The following RASGEF1C variants were observed in gnomAD, a reference collection of about 807,000 sequenced individuals.
The protein encoded by RASGEF1C is ras-GEF domain-containing family member 1C.
A neutral mutation model predicts 58.1 loss-of-function variants in RASGEF1C; 27 were observed. That is an observed-to-expected ratio of 0.46 (90% CI 0.34 to 0.64). The LOEUF is 0.64. RASGEF1C is among the 30% of genes least tolerant of loss of function. RASGEF1C has a pLI of 0.01. For synonymous variants in RASGEF1C, 243 were observed against 246.3 expected, an observed-to-expected ratio of 0.99 and a Z score of 0.13; for missense variants, 502 against 605.1, an observed-to-expected ratio of 0.83 and a Z score of 1.79.
In RASGEF1C at chr5:180,156,403, A is replaced by G. The variant is rs957843819; in HGVS notation, c.-6-18345T>C. Among the ~76,000 whole-genome samples, 2 of 152,202 alleles carry G rather than the reference A, an allele frequency of 1.3e-5. No homozygotes were observed. The highest frequency in any genetic ancestry group is 1.3e-4 in the Admixed American group (2 of 15,260). On this transcript the variant is annotated intron_variant, in intron 1 of 13. Transcript: ENST00000361132. The surrounding 1 kb of genome is among the most constrained non-coding windows in gnomAD (Gnocchi z 4.9). ...GGGAGTCTTCGGAAACACTGGGCTC[A>G]GCACAGTTGGTGCCTGGCAGGGCCG...
intron 1 of RASGEF1C, among the ~76,000 whole-genome samples, chr5:180,170,168 G>C (rs1379676938): frequency 6.6e-6 from 1 of 152,220 alleles, no homozygotes; most frequent in Admixed American, 6.5e-5. Context: ...TCCTGGCCGA[G>C]TGGATGAGTG....
intron 4 of RASGEF1C, among the ~76,000 whole-genome samples, chr5:180,133,365 C>T (rs1766402716): frequency 6.6e-6 from 1 of 152,182 alleles, no homozygotes; most frequent in Non-Finnish European, 1.5e-5. Flanking sequence ...GAAGGTGCCA[C>T]CTTTCACTGT....
At chr5:180,115,272 C>G (rs543781990) in intron 10 of RASGEF1C, 1 of 437,484 alleles carries the variant, frequency 2.3e-6, no homozygotes, top group South Asian at 1.6e-5. Flanking sequence ...CCTCGGCCTC[C>G]CAAGGTGGCC....
At chr5:180,110,855 A>C (rs1273927432) in intron 12 of RASGEF1C, among the ~76,000 whole-genome samples, 1 of 151,574 alleles carries the variant, frequency 6.6e-6, no homozygotes, top group Non-Finnish European at 1.5e-5. Context: ...TTGCTCTGTC[A>C]CCCAGGATGG....
chr5:180,141,718 A>AG (rs1766582644), intron 1 of RASGEF1C, among the ~76,000 whole-genome samples: 1 of 15,596 alleles, frequency 6.4e-5, no homozygotes. Flanking sequence ...ATTTTATCAC[A>AG]CTTTTTTTTT....
intron 1 of RASGEF1C, among the ~76,000 whole-genome samples, chr5:180,141,657 A>G (rs1766581095): frequency 6.6e-6 from 1 of 152,150 alleles, no homozygotes. Flanking sequence ...ACTTAATGTC[A>G]CTGAACTGTC....
intron 12 of RASGEF1C, among the ~76,000 whole-genome samples, chr5:180,103,203 G>A (rs1008254810): frequency 3.3e-5 from 5 of 152,098 alleles, no homozygotes; most frequent in East Asian, 1.9e-4. Flanking sequence ...TCACCCTCCC[G>A]AGTGGCTGGG....
chr5:180,176,425 A>G (rs1028544329), intron 1 of RASGEF1C, among the ~76,000 whole-genome samples: 4 of 152,220 alleles, frequency 2.6e-5, no homozygotes, highest in Non-Finnish European at 5.9e-5. Flanking sequence ...TGGGCTCTGC[A>G]TGAGGCAGGC....
intron 1 of RASGEF1C, among the ~76,000 whole-genome samples, chr5:180,159,992 G>T (rs577417677): frequency 3.9e-5 from 6 of 152,304 alleles, no homozygotes; most frequent in Admixed American, 1.3e-4. Flanking sequence ...AGCTGCACTC[G>T]AAGTTAGCCC....
chr5:180,103,145 T>C (rs895551157), intron 12 of RASGEF1C, among the ~76,000 whole-genome samples: 14 of 152,218 alleles, frequency 9.2e-5, no homozygotes, highest in Non-Finnish European at 1.8e-4. Flanking sequence ...TGGCGCGATC[T>C]CGGCTCACTG....
intron 10 of RASGEF1C, among the ~76,000 whole-genome samples, chr5:180,118,270 G>A (rs1358062168): frequency 1.3e-5 from 2 of 152,168 alleles, no homozygotes; most frequent in African/African-American, 2.4e-5. Flanking sequence ...GTCTGGGGCC[G>A]CTGACTCCGG....
At chr5:180,119,136 G>T (rs777162487) in intron 8 of RASGEF1C, among the ~76,000 whole-genome samples, 1 of 152,228 alleles carries the variant, frequency 6.6e-6, no homozygotes, top group Admixed American at 6.5e-5. Flanking sequence ...CAAACATCCC[G>T]AGGGGGCTGG....
chr5:180,101,272 C>T lies in RASGEF1C; in HGVS notation c.*229G>A. 1.7e-6 allele frequency: 1 copy of T among 583,756 alleles called. No individual in the cohort carries two copies. Among genetic ancestry groups the T allele is most frequent in the Non-Finnish European group, 3.1e-6 (1 of 327,776 alleles). The allele number at this position is 583,756 out of a possible 1,614,324, so 36.2% of individuals were successfully genotyped here. On this transcript the variant is annotated 3_prime_UTR_variant, in exon 14 of 14. Transcript: ENST00000361132. ...AGGCAGGATGTCCCCAAGGCATGTGCCGCCCGCACGTCTGGAGGCCCTGGG... is the reference window on the plus strand; with the variant it reads ...AGGCAGGATGTCCCCAAGGCATGTGTCGCCCGCACGTCTGGAGGCCCTGGG...
intron 1 of RASGEF1C, among the ~76,000 whole-genome samples, chr5:180,182,651 T>C (rs1357471709): frequency 6.6e-6 from 1 of 152,234 alleles, no homozygotes; most frequent in Non-Finnish European, 1.5e-5. Flanking sequence ...CACTGATTGG[T>C]GCATTTTTAC....
chr5:180,109,412 T>G lies in RASGEF1C; in HGVS notation c.1303+2045A>C, dbSNP rs549178968. Among the ~76,000 whole-genome samples, 2 of 152,122 alleles carry G rather than the reference T, an allele frequency of 1.3e-5. 1 individual carries two copies. The highest frequency in any genetic ancestry group is 6.8e-3 in the Middle Eastern group (2 of 294). Reference sequence around the variant, plus strand: ...GGCGGAGCTTGCAGTGAGCCGAGATTGCGCCACTGCACTCCAGCCTGGGTG... The same window carrying G: ...GGCGGAGCTTGCAGTGAGCCGAGATGGCGCCACTGCACTCCAGCCTGGGTG... On this transcript the variant is annotated intron_variant, in intron 12 of 13. Coordinates refer to ENST00000361132, the MANE Select transcript of RASGEF1C (RefSeq NM_175062.4).
intron 1 of RASGEF1C, among the ~76,000 whole-genome samples, chr5:180,195,764 C>CA (rs1393385769): frequency 6.6e-5 from 9 of 136,936 alleles, no homozygotes; most frequent in African/African-American, 1.1e-4. Context: ...GACTCCGTCT[C>CA]AAAAAAAAGA....
chr5:180,145,152 A>C (rs1031248347), intron 1 of RASGEF1C, among the ~76,000 whole-genome samples: 7 of 151,950 alleles, frequency 4.6e-5, no homozygotes, highest in African/African-American at 1.7e-4. Flanking sequence ...AGACGGTCTC[A>C]CTCTGTCACC....
intron 5 of RASGEF1C, 131 bp downstream of exon 5, chr5:180,128,279 G>A: frequency 1.2e-6 from 1 of 862,212 alleles, no homozygotes; most frequent in Admixed American, 1.8e-5. Context: ...GGGGCCCAGT[G>A]CATGCTCGAG....
chr5:180,163,252 T>TTTTTTTTTTTTTAG (rs1766972601), intron 1 of RASGEF1C, among the ~76,000 whole-genome samples: 5 of 80,960 alleles, frequency 6.2e-5, no homozygotes, highest in South Asian at 4.4e-4. Flanking sequence ...TTTTTTTTTT[T>TTTTTTTTTTTTTAG]CCAGCCTATT....
Sources: allele counts gnomAD v4.1 joint callset (sites outside exome capture counted in the v4.1 genomes callset), GRCh38; gene constraint gnomAD v4.1.1; non-coding constraint Gnocchi (gnomAD v3.1); transcripts MANE v1.5; gene names NCBI Gene and HGNC (gene_info 2026-07-23, HGNC 2026-07-21).